ST6GALNAC3: variants seen among roughly 807,000 people sequenced by gnomAD.
The protein encoded by ST6GALNAC3 is alpha-N-acetylgalactosaminide alpha-2,6-sialyltransferase 3.
Under a neutral mutation model 32.7 loss-of-function variants are expected in ST6GALNAC3, and 25 were observed. The observed-to-expected ratio is 0.76, with a 90% confidence interval of 0.56 to 1.07. The LOEUF is 1.07. Among genes scored for constraint, ST6GALNAC3 ranks in the 50% least tolerant of loss-of-function variants. The pLI, the probability that ST6GALNAC3 is intolerant of heterozygous loss-of-function variation, is 0.00. For missense variants in ST6GALNAC3, 355 were observed against 382.4 expected (o/e 0.93, Z 0.60); for synonymous variants, 129 against 133.1 (o/e 0.97, Z 0.21).
Position 76,093,309 on chromosome 1 carries a change from C to T in ST6GALNAC3, c.18+18425C>T, listed in dbSNP as rs764836065. Among the ~76,000 whole-genome samples, 12 of 152,292 alleles carry T rather than the reference C, an allele frequency of 7.9e-5. No individual in the cohort carries two copies. The South Asian group carries it at 1.5e-3, about 18-fold the overall frequency. On this transcript the variant is annotated intron_variant, in intron 1 of 4. Coordinates refer to ENST00000328299, the MANE Select transcript of ST6GALNAC3 (RefSeq NM_152996.4). ...GTGGACTGGGGACACTTAATTACCACGTACAATTTTATGGACTGTTCATGA... is the reference window on the plus strand; with the variant it reads ...GTGGACTGGGGACACTTAATTACCATGTACAATTTTATGGACTGTTCATGA...
At chr1:76,190,250 G>A (rs72674488) in intron 1 of ST6GALNAC3, among the ~76,000 whole-genome samples, 5,365 of 152,190 alleles carry the variant, frequency 0.035, 210 homozygotes, top group African/African-American at 0.098. Flanking sequence ...GGGTGGAGTA[G>A]GATGAGAGGC....
chr1:76,306,071 A>T (rs1323881293), intron 1 of ST6GALNAC3: 2 of 325,796 alleles, frequency 6.1e-6, no homozygotes. Flanking sequence ...TACCTAATTC[A>T]TATGGAAAAT....
chr1:76,514,194 T>C (rs906364640), intron 3 of ST6GALNAC3, among the ~76,000 whole-genome samples: 2 of 152,176 alleles, frequency 1.3e-5, no homozygotes, highest in Non-Finnish European at 2.9e-5. Context: ...TTCAGTATTG[T>C]GTTGTGGGTT....
chr1:76,386,357 G>A lies in ST6GALNAC3; in HGVS notation c.214-25651G>A, dbSNP rs551616719. 3.3e-5 allele frequency among the ~76,000 whole-genome samples: 5 copies of A among 152,248 alleles called. No individual in the cohort carries two copies. The East Asian group carries it at 9.7e-4, about 29-fold the overall frequency. ...GGCTAATAATCATAGGAACCCCACA[G>A]GGTTGTTGTAAGAACTAAATGAAAA... is the stretch of plus-strand genomic sequence containing the variant. On this transcript the variant is annotated intron_variant, in intron 2 of 4. Transcript: ENST00000328299.
rs920916095 is a variant in ST6GALNAC3 at position 76,282,980 on chromosome 1, A to C, written c.19-30825A>C. 3.9e-5 allele frequency among the ~76,000 whole-genome samples: 6 copies of C among 152,218 alleles called. No homozygotes were observed. In the East Asian group the frequency reaches 1.2e-3, roughly 29 times the overall value. The stretch of plus-strand genomic sequence containing the variant: ...CTTGAGCCCGGGAGGTGGAGGTTGC[A>C]GTAAGCTGAGATCAAGATCACGCCA... On this transcript the variant is annotated intron_variant, in intron 1 of 4. Transcript: ENST00000328299.
chr1:76,112,971 G>C (rs534698204), intron 1 of ST6GALNAC3, among the ~76,000 whole-genome samples: 16 of 152,284 alleles, frequency 1.1e-4, no homozygotes, highest in African/African-American at 1.9e-4. Flanking sequence ...CGGCACTTTG[G>C]GGGGCCAAGG....
chr1:76,489,509 T>A (rs987164629), intron 3 of ST6GALNAC3, among the ~76,000 whole-genome samples: 2 of 152,202 alleles, frequency 1.3e-5, no homozygotes, highest in Admixed American at 1.3e-4. Context: ...TGCATGTGGA[T>A]GAAAATTCCA....
At chr1:76,392,177 G>A (rs965318762) in intron 2 of ST6GALNAC3, among the ~76,000 whole-genome samples, 3 of 152,156 alleles carry the variant, frequency 2.0e-5, no homozygotes, top group African/African-American at 7.2e-5. Context: ...TTCCCTAGGG[G>A]ACAAAATTGC....
intron 3 of ST6GALNAC3, among the ~76,000 whole-genome samples, chr1:76,532,541 G>A (rs895329125): frequency 2.6e-5 from 4 of 152,008 alleles, no homozygotes; most frequent in South Asian, 4.2e-4. Flanking sequence ...CATAGAAATC[G>A]GGAGTGAAAA....
At chr1:76,395,028 C>T (rs1041633907) in intron 2 of ST6GALNAC3, among the ~76,000 whole-genome samples, 3 of 152,164 alleles carry the variant, frequency 2.0e-5, no homozygotes, top group African/African-American at 7.2e-5. Context: ...TCTGGTTTGA[C>T]TTAAAGTCCT....
chr1:76,121,712 T>A (rs1439836295), intron 1 of ST6GALNAC3, among the ~76,000 whole-genome samples: 3 of 151,952 alleles, frequency 2.0e-5, no homozygotes, highest in African/African-American at 7.3e-5. Context: ...CCAGACTCCA[T>A]CTCAAAAAAC....
At chr1:76,425,278 A>G (rs1655293166) in intron 3 of ST6GALNAC3, among the ~76,000 whole-genome samples, 2 of 151,932 alleles carry the variant, frequency 1.3e-5, no homozygotes, top group African/African-American at 2.4e-5. Context: ...AGGGGCTTTC[A>G]AGGATGCAAA....
intron 3 of ST6GALNAC3, among the ~76,000 whole-genome samples, chr1:76,500,109 C>T (rs561335669): frequency 4.5e-4 from 68 of 151,970 alleles, no homozygotes; most frequent in Non-Finnish European, 8.2e-4. Flanking sequence ...TGAATGTTTA[C>T]TTATATTTAA....
intron 3 of ST6GALNAC3, among the ~76,000 whole-genome samples, chr1:76,551,913 A>T (rs1176328666): frequency 6.6e-6 from 1 of 152,074 alleles, no homozygotes. Context: ...TTTCAGTTGC[A>T]TGTCAGCTCC....
At chr1:76,380,764 T>G (rs1182716849) in intron 2 of ST6GALNAC3, among the ~76,000 whole-genome samples, 1 of 151,958 alleles carries the variant, frequency 6.6e-6, no homozygotes, top group Non-Finnish European at 1.5e-5. Context: ...GAAAATAGAG[T>G]GATAACTTGA....
At chr1:76,225,993 A>T (rs772813421) in intron 1 of ST6GALNAC3, among the ~76,000 whole-genome samples, 5 of 152,160 alleles carry the variant, frequency 3.3e-5, no homozygotes, top group Non-Finnish European at 7.3e-5. Flanking sequence ...AGGTTAATAA[A>T]GTCTTCTCTC....
At chr1:76,324,506 A>T (rs1324143972) in intron 2 of ST6GALNAC3, among the ~76,000 whole-genome samples, 1 of 152,188 alleles carries the variant, frequency 6.6e-6, no homozygotes, top group Non-Finnish European at 1.5e-5. Flanking sequence ...CAAATCCCAT[A>T]AGCCTGTTTA....
At chr1:76,567,274 T>A (rs538607897) in intron 3 of ST6GALNAC3, among the ~76,000 whole-genome samples, 1 of 152,278 alleles carries the variant, frequency 6.6e-6, no homozygotes, top group East Asian at 1.9e-4. Context: ...TCAGGTTTAA[T>A]ATACTATGCA....
At chr1:76,610,738 C>T (rs985626024) in intron 3 of ST6GALNAC3, among the ~76,000 whole-genome samples, 2 of 152,110 alleles carry the variant, frequency 1.3e-5, no homozygotes, top group East Asian at 1.9e-4. Flanking sequence ...CTCCCCAAGT[C>T]ACAGAACTCT....
Sources: gnomAD v4.1 joint callset for allele counts (sites outside exome capture counted in the v4.1 genomes callset) on GRCh38, gnomAD v4.1.1 for gene constraint, MANE v1.5 for transcripts, NCBI Gene and HGNC (gene_info 2026-07-23, HGNC 2026-07-21) for gene names.